STIL: variants seen among roughly 807,000 people sequenced by gnomAD.
STIL encodes the protein SCL-interrupting locus protein.
In STIL, 55 loss-of-function variants were observed where a neutral mutation model predicts 110.1. The observed-to-expected ratio is 0.50, with a 90% CI of 0.40 to 0.63. The LOEUF (loss-of-function observed/expected upper bound fraction) is 0.63, where lower values mean the gene tolerates loss of function less well. Ranked by LOEUF, STIL falls within the 20% of genes least tolerant of loss-of-function variation. The pLI is 0.00. For synonymous variants in STIL, 481 were observed against 530.0 expected, an observed-to-expected ratio of 0.91 and a Z score of 1.27; for missense variants, 1,358 against 1,530.0, an observed-to-expected ratio of 0.89 and a Z score of 1.87.
intron 16 of STIL, among the ~76,000 whole-genome samples, chr1:47,255,778 C>T (rs1481524041): frequency 1.3e-5 from 2 of 152,172 alleles, no homozygotes; most frequent in Non-Finnish European, 2.9e-5. Flanking sequence ...ATCTCCATTT[C>T]CTGCACAATT....
chr1:47,304,150 T>C (rs1278902134), intron 3 of STIL, among the ~76,000 whole-genome samples: 1 of 145,000 alleles, frequency 6.9e-6, no homozygotes, highest in Non-Finnish European at 1.5e-5. Context: ...TATTGCACCG[T>C]TTTTTTTTCC....
intron 14 of STIL, among the ~76,000 whole-genome samples, chr1:47,269,053 T>C (rs1184114447): frequency 6.8e-6 from 1 of 148,106 alleles, no homozygotes; most frequent in Admixed American, 6.8e-5. Context: ...ATTGCACCAC[T>C]GCACTCCAGC....
rs1200861863 is a variant in STIL at position 47,261,391 on chromosome 1, AAAAT to A, written c.2830-856_2830-853del. Among the ~76,000 whole-genome samples the A allele has an allele frequency of 3.3e-5, 5 of 152,072 alleles. No homozygotes were observed. In the East Asian group the frequency reaches 5.8e-4, roughly 18 times the overall value. On this transcript the variant is annotated intron_variant, in intron 15 of 16. Coordinates refer to ENST00000371877, the MANE Select transcript of STIL (RefSeq NM_001048166.1). ...TGACAGAGTGAGACTCTGTCTAAAAAAAATAAATAAATAAAATAGAAAATAAACA... is the reference window on the plus strand; with the variant it reads ...TGACAGAGTGAGACTCTGTCTAAAAAAAATAAATAAAATAGAAAATAAACA...
In STIL at chr1:47,260,469, A is replaced by C; in HGVS notation, c.2900T>G (p.Ile967Ser). The change falls in exon 16 of 17, where the codon ATC becomes AGC. Residue 967 changes from isoleucine (I) to serine (S), a missense_variant. Physicochemically the swap from Ile to Ser is moderately radical, Grantham distance 142. Transcript: ENST00000371877. ...TTGGGTTCTGGTGCATTCATGACTG[A>C]TAATTACTGCTTTGGTAGACGGCTG... ...TEQPSTKAVIISHECTRTQNV... is the reference protein window; with the variant it reads ...TEQPSTKAVISSHECTRTQNV... 6.2e-7 allele frequency: 1 copy of C among 1,614,186 alleles called. No individual in the cohort carries two copies. Among genetic ancestry groups the C allele is most frequent in the Non-Finnish European group, 8.5e-7 (1 of 1,180,036 alleles).
chr1:47,302,386 A>AT, intron 3 of STIL, 40 bp from the exon 4 acceptor site: 3 of 1,468,848 alleles, frequency 2.0e-6, no homozygotes, highest in Non-Finnish European at 2.9e-6. Flanking sequence ...GGTAGACCTC[A>AT]TATCTTAAAA....
chr1:47,279,023 C>T (rs577826110), intron 12 of STIL, among the ~76,000 whole-genome samples: 56 of 151,970 alleles, frequency 3.7e-4, no homozygotes, highest in Non-Finnish European at 6.3e-4. Flanking sequence ...TATGGCCGGG[C>T]GCGGAGGCTC....
intron 12 of STIL, 78 bp from the exon 13 acceptor site, chr1:47,272,319 A>G (rs902659852): frequency 2.0e-6 from 3 of 1,469,970 alleles, no homozygotes; most frequent in Non-Finnish European, 2.8e-6. Flanking sequence ...AATGAATTAC[A>G]AAGCGCCCTA....
At chr1:47,255,097 C>T (rs911669971) in intron 16 of STIL, among the ~76,000 whole-genome samples, 9 of 151,772 alleles carry the variant, frequency 5.9e-5, no homozygotes, top group Non-Finnish European at 1.3e-4. Context: ...TTCAAGGGGC[C>T]ACCCTAGGCA....
Position 47,250,972 on chromosome 1 carries a change from C to G in STIL, c.*164G>C. On this transcript the variant is annotated 3_prime_UTR_variant, in exon 17 of 17. Coordinates refer to ENST00000371877, the MANE Select transcript of STIL (RefSeq NM_001048166.1). ...CTATTTGAACAATGAGAACTTAGTC[C>G]TATCACCAGCCAGCCATCTCACAGA... is the stretch of plus-strand genomic sequence containing the variant. 1.6e-6 allele frequency: 1 copy of G among 639,432 alleles called. No homozygotes were observed. Among genetic ancestry groups the G allele is most frequent in the South Asian group, 2.0e-5 (1 of 49,170 alleles). 39.6% of individuals were successfully genotyped at this position (639,432 alleles called of 1,614,324 possible). A position where few individuals can be genotyped will look rare whatever the true frequency, so the allele number is the denominator to read the frequency against.
Position 47,269,370 on chromosome 1 carries a change from CA to C in STIL, c.2615+264del, listed in dbSNP as rs554696283. On this transcript the variant is annotated intron_variant, in intron 14 of 16. Coordinates refer to ENST00000371877, the MANE Select transcript of STIL (RefSeq NM_001048166.1). ...ACTTTAAAGAAATTAGAATTAAAAA[CA>C]AAAAAAAACCTGAACAGAACAGCAA... 2.0e-5 allele frequency among the ~76,000 whole-genome samples: 3 copies of C among 149,642 alleles called. 1 individual carries two copies. The highest frequency in any genetic ancestry group is 7.4e-5 in the African/African-American group (3 of 40,716).
At chr1:47,307,615 C>A (rs1645999304) in intron 2 of STIL, among the ~76,000 whole-genome samples, 1 of 152,078 alleles carries the variant, frequency 6.6e-6, no homozygotes, top group Admixed American at 6.6e-5. Context: ...GTTAACTACA[C>A]AAATTGTACA....
Position 47,251,065 on chromosome 1 carries a change from G to A in STIL, c.*71C>T. 2 of 1,456,662 alleles carry A rather than the reference G, an allele frequency of 1.4e-6. No homozygotes were observed. Among genetic ancestry groups the A allele is most frequent in the Non-Finnish European group, 1.9e-6 (2 of 1,067,454 alleles). 90.2% of individuals were successfully genotyped at this position (1,456,662 alleles called of 1,614,324 possible). Reference sequence around the variant, plus strand: ...CAGAATGATCAGGAGCCTTGTGGTAGGCTCCTGTTTTCCCTAAGTATCTTC... The same window carrying A: ...CAGAATGATCAGGAGCCTTGTGGTAAGCTCCTGTTTTCCCTAAGTATCTTC... On this transcript the variant is annotated 3_prime_UTR_variant, in exon 17 of 17. Coordinates refer to ENST00000371877, the MANE Select transcript of STIL (RefSeq NM_001048166.1).
Position 47,250,216 on chromosome 1 carries a change from A to G in STIL, c.*920T>C, listed in dbSNP as rs1644150513. On this transcript the variant is annotated 3_prime_UTR_variant, in exon 17 of 17. Transcript: ENST00000371877. ...ATCTGAAAAACTCAGAAAGTTTATA[A>G]AACACACTCATACTCAATAATTTTC... is the stretch of plus-strand genomic sequence containing the variant. 1 of 171,316 alleles carries G rather than the reference A, an allele frequency of 5.8e-6. No individual in the cohort carries two copies. The highest frequency in any genetic ancestry group is 1.3e-5 in the Non-Finnish European group (1 of 79,042). 10.6% of individuals were successfully genotyped at this position (171,316 alleles called of 1,614,324 possible). A position where few individuals can be genotyped will look rare whatever the true frequency, so the allele number is the denominator to read the frequency against.
chr1:47,261,279 T>C (rs1435117636), intron 15 of STIL, among the ~76,000 whole-genome samples: 1 of 150,624 alleles, frequency 6.6e-6, no homozygotes, highest in Non-Finnish European at 1.5e-5. Context: ...TCCCGGCTAT[T>C]TGGGAGGCTG....
At chr1:47,285,246 G>A (rs1645264325) in intron 10 of STIL, among the ~76,000 whole-genome samples, 1 of 152,102 alleles carries the variant, frequency 6.6e-6, no homozygotes, top group Middle Eastern at 3.4e-3. Flanking sequence ...TGCCCAGGCT[G>A]GTCTCGAACT....
chr1:47,304,131 TG>T (rs1645884997), intron 3 of STIL, among the ~76,000 whole-genome samples: 1 of 151,994 alleles, frequency 6.6e-6, no homozygotes, highest in Non-Finnish European at 1.5e-5. Flanking sequence ...CTAGGCAGTC[TG>T]CTCCAATTAT....
chr1:47,251,703 A>G lies in STIL; in HGVS notation c.3300T>C (p.Asn1100=). The G allele has an allele frequency of 6.2e-7, 1 of 1,614,224 alleles. No homozygotes were observed. The highest frequency in any genetic ancestry group is 8.5e-7 in the Non-Finnish European group (1 of 1,180,034). ...TAAGCCCCACTGTGCTTCTGTCTGT[A>G]TTAATATGGAGAAGGCTGAATGGGT... ...NCDPFSLLHI[N]TDRSTVGLSL... The change falls in exon 17 of 17, where the codon AAT becomes AAC. Residue 1100 remains asparagine, a synonymous_variant. Coordinates refer to ENST00000371877, the MANE Select transcript of STIL (RefSeq NM_001048166.1).
At chr1:47,289,086 A>AAAAAT (rs1645400194) in intron 9 of STIL, among the ~76,000 whole-genome samples, 1 of 144,418 alleles carries the variant, frequency 6.9e-6, no homozygotes, top group South Asian at 2.2e-4. Context: ...AAAAAAAAAA[A>AAAAAT]CATCAGGACA....
chr1:47,296,612 T>C (rs1645648098), intron 6 of STIL, among the ~76,000 whole-genome samples: 1 of 151,768 alleles, frequency 6.6e-6, no homozygotes, highest in African/African-American at 2.4e-5. Context: ...GAGACCAGCA[T>C]GGCCAACATG....
Sources: allele counts gnomAD v4.1 joint callset (sites outside exome capture counted in the v4.1 genomes callset), GRCh38; gene constraint gnomAD v4.1.1; transcripts MANE v1.5; gene names NCBI Gene and HGNC (gene_info 2026-07-23, HGNC 2026-07-21).